Variants in LRP1B observed in about 807,000 individuals in gnomAD.
LRP1B encodes the protein LDL receptor related protein 1B.
LRP1B carries 217 observed loss-of-function variants against 556.6 expected under a neutral mutation model. That is an observed-to-expected ratio of 0.39 (90% CI 0.35 to 0.44). LRP1B has a LOEUF of 0.44. Ranked by LOEUF, LRP1B falls within the 20% of genes least tolerant of loss-of-function variation. The pLI is 1.00. For missense variants in LRP1B, 5,053 were observed against 5,620.8 expected, an observed-to-expected ratio of 0.90 and a Z score of 3.23; for synonymous variants, 2,047 against 1,865.8, an observed-to-expected ratio of 1.10 and a Z score of -2.50.
intron 2 of LRP1B, among the ~76,000 whole-genome samples, chr2:141,600,570 A>G (rs950123142): frequency 2.0e-5 from 3 of 151,486 alleles, no homozygotes; most frequent in Non-Finnish European, 4.4e-5. Flanking sequence ...ATGAACTGCA[A>G]ACGTAACCAC....
chr2:141,028,719 GT>G (rs1201485584), intron 11 of LRP1B, among the ~76,000 whole-genome samples: 1 of 150,866 alleles, frequency 6.6e-6, no homozygotes, highest in African/African-American at 2.4e-5. Flanking sequence ...TTTAATTACT[GT>G]TTTTAAAGTA....
chr2:141,477,634 C>T (rs2105083572), intron 3 of LRP1B, among the ~76,000 whole-genome samples: 1 of 152,194 alleles, frequency 6.6e-6, no homozygotes, highest in African/African-American at 2.4e-5. Context: ...CTTTACAAGA[C>T]CAAGCAGGTA....
intron 35 of LRP1B, among the ~76,000 whole-genome samples, chr2:140,724,329 T>A (rs199547041): frequency 6.6e-6 from 1 of 151,972 alleles, no homozygotes; most frequent in Non-Finnish European, 1.5e-5. Context: ...TATAAAAAAA[T>A]AAATAATAAT....
intron 1 of LRP1B, among the ~76,000 whole-genome samples, chr2:142,050,164 A>C (rs1704404728): frequency 6.6e-6 from 1 of 152,184 alleles, no homozygotes; most frequent in South Asian, 2.1e-4. Context: ...TATGTAATAC[A>C]TAGGTATACA....
intron 1 of LRP1B, among the ~76,000 whole-genome samples, chr2:141,998,394 A>C (rs1702558875): frequency 6.6e-6 from 1 of 152,222 alleles, no homozygotes; most frequent in Non-Finnish European, 1.5e-5. Context: ...CATGTGCTCT[A>C]GTGATACCGT....
intron 1 of LRP1B, among the ~76,000 whole-genome samples, chr2:141,991,183 T>G (rs555394113): frequency 6.6e-6 from 1 of 152,184 alleles, no homozygotes; most frequent in African/African-American, 2.4e-5. Flanking sequence ...ATAGATCTTT[T>G]GGTCATTATG....
chr2:140,903,682 T>C (rs1005134833), intron 22 of LRP1B, among the ~76,000 whole-genome samples: 2 of 151,980 alleles, frequency 1.3e-5, no homozygotes, highest in African/African-American at 4.8e-5. Flanking sequence ...AAATGCAGAA[T>C]GGATTACTTT....
intron 1 of LRP1B, among the ~76,000 whole-genome samples, chr2:142,047,440 T>C (rs1337404165): frequency 6.6e-6 from 1 of 152,078 alleles, no homozygotes; most frequent in African/African-American, 2.4e-5. Flanking sequence ...TAGTCGTTTA[T>C]AGGTTTGCTT....
intron 2 of LRP1B, among the ~76,000 whole-genome samples, chr2:141,501,379 T>C (rs1353757600): frequency 1.3e-5 from 2 of 152,124 alleles, no homozygotes; most frequent in African/African-American, 4.8e-5. Context: ...AAACATCTTC[T>C]TTTTATGAAT....
intron 2 of LRP1B, among the ~76,000 whole-genome samples, chr2:141,485,445 A>C (rs1201793159): frequency 6.6e-6 from 1 of 152,140 alleles, no homozygotes; most frequent in Non-Finnish European, 1.5e-5. Context: ...GACCTCTTTG[A>C]CCAGTGCTAG....
intron 41 of LRP1B, among the ~76,000 whole-genome samples, chr2:140,624,088 A>G (rs1462820675): frequency 1.3e-5 from 2 of 151,740 alleles, no homozygotes; most frequent in Non-Finnish European, 2.9e-5. Flanking sequence ...GTAATTCTCT[A>G]GCAACTGAAT....
intron 2 of LRP1B, among the ~76,000 whole-genome samples, chr2:141,663,388 A>G (rs148960252): frequency 4.0e-5 from 6 of 149,644 alleles, no homozygotes; most frequent in African/African-American, 1.2e-4. Context: ...AAAAAAATCA[A>G]TGAATCCAGG....
At chr2:141,470,215 T>A (rs1682409370) in intron 3 of LRP1B, among the ~76,000 whole-genome samples, 1 of 152,206 alleles carries the variant, frequency 6.6e-6, no homozygotes, top group South Asian at 2.1e-4. Flanking sequence ...TTTCTAAAGT[T>A]TTTTAACTTC....
intron 3 of LRP1B, among the ~76,000 whole-genome samples, chr2:141,399,607 C>T (rs1690372190): frequency 6.6e-6 from 1 of 152,142 alleles, no homozygotes; most frequent in Non-Finnish European, 1.5e-5. Context: ...CCTATAGAAA[C>T]ACTTACCTAT....
chr2:140,389,283 G>A (rs1366515233), intron 66 of LRP1B, among the ~76,000 whole-genome samples: 1 of 151,852 alleles, frequency 6.6e-6, no homozygotes, highest in African/African-American at 2.4e-5. Flanking sequence ...GTATATGGAT[G>A]GGATATTTCT....
intron 1 of LRP1B, among the ~76,000 whole-genome samples, chr2:142,069,992 A>G (rs1372795557): frequency 6.6e-6 from 1 of 151,800 alleles, no homozygotes; most frequent in Admixed American, 6.6e-5. Flanking sequence ...TAAGTGAGCC[A>G]TCATAATTTA....
chr2:141,039,073 T>C (rs961571901), intron 11 of LRP1B, among the ~76,000 whole-genome samples: 4 of 152,090 alleles, frequency 2.6e-5, no homozygotes, highest in African/African-American at 9.7e-5. Context: ...AAGTTTTAAA[T>C]TGTCTGCTGT....
chr2:141,491,294 A>G (rs1683325992), intron 2 of LRP1B, among the ~76,000 whole-genome samples: 1 of 152,144 alleles, frequency 6.6e-6, no homozygotes. Context: ...AAGATATAAA[A>G]CACATGTTCC....
chr2:141,561,157 G>A lies in LRP1B; in HGVS notation c.206-80624C>T, dbSNP rs566236014. Among the ~76,000 whole-genome samples the A allele has an allele frequency of 1.1e-3, 160 of 151,618 alleles. 1 individual carries two copies. The highest frequency in any genetic ancestry group is 1.7e-3 in the Non-Finnish European group (116 of 67,698). On this transcript the variant is annotated intron_variant, in intron 2 of 90. Coordinates refer to ENST00000389484, the MANE Select transcript of LRP1B (RefSeq NM_018557.3). The stretch of plus-strand genomic sequence containing the variant: ...ACCACAATGCATAGCAGAAAATAAA[G>A]GTTAAATGTAATTCTTACTGGATGA...
Sources: allele counts gnomAD v4.1 joint callset (sites outside exome capture counted in the v4.1 genomes callset), GRCh38; gene constraint gnomAD v4.1.1; transcripts MANE v1.5; gene names NCBI Gene and HGNC (gene_info 2026-07-23, HGNC 2026-07-21).